DPF3: variants seen among roughly 807,000 people sequenced by gnomAD.
DPF3 encodes the protein zinc finger protein DPF3.
A neutral mutation model predicts 56.8 loss-of-function variants in DPF3; 18 were observed. That is an observed-to-expected ratio of 0.32 (90% CI 0.22 to 0.47). DPF3 has a LOEUF of 0.47. Ranked by LOEUF, DPF3 falls within the 20% of genes least tolerant of loss-of-function variation. DPF3 has a pLI of 1.00. For missense variants in DPF3, 403 were observed against 488.8 expected (o/e 0.82, Z 1.65); for synonymous variants, 188 against 180.2 (o/e 1.04, Z -0.35).
intron 8 of DPF3, among the ~76,000 whole-genome samples, chr14:72,643,050 A>G (rs1885608222): frequency 6.6e-6 from 1 of 152,250 alleles, no homozygotes. Context: ...AGAATGGCTC[A>G]GGCAGCCCGC....
At chr14:72,779,587 A>G (rs537078304) in intron 1 of DPF3, among the ~76,000 whole-genome samples, 2 of 152,312 alleles carry the variant, frequency 1.3e-5, no homozygotes, top group South Asian at 4.1e-4. Flanking sequence ...ATAGCTACAC[A>G]ACCCTCAGCA....
intron 8 of DPF3, chr14:72,670,366 G>A (rs1886616337): frequency 2.0e-6 from 2 of 986,220 alleles, no homozygotes; most frequent in Non-Finnish European, 1.2e-6. Context: ...ACTGACGGAG[G>A]AGGAGGAGCC....
intron 1 of DPF3, among the ~76,000 whole-genome samples, chr14:72,883,535 C>CTTT (rs1886397316): frequency 6.6e-6 from 1 of 152,114 alleles, no homozygotes; most frequent in Non-Finnish European, 1.5e-5. Flanking sequence ...TGTAGCTTTG[C>CTTT]AGCAAGACTG....
intron 1 of DPF3, among the ~76,000 whole-genome samples, chr14:72,863,090 A>G (rs992353487): frequency 1.7e-5 from 2 of 118,966 alleles, no homozygotes; most frequent in Non-Finnish European, 3.8e-5. Context: ...ATATATATAT[A>G]TATATATATA....
At chr14:72,672,029 CCA>C (rs368797206) in intron 8 of DPF3, among the ~76,000 whole-genome samples, 4,299 of 145,206 alleles carry the variant, frequency 0.03, 79 homozygotes, top group Non-Finnish European at 0.037. Flanking sequence ...CGTGTGCACA[CCA>C]CACACACACA....
chr14:72,716,907 T>C (rs1888954665), intron 5 of DPF3, among the ~76,000 whole-genome samples: 1 of 152,072 alleles, frequency 6.6e-6, no homozygotes, highest in Admixed American at 6.5e-5. Context: ...CTAAGGGGGA[T>C]CTACCTCCAC....
At chr14:72,690,635 G>A (rs866541969) in intron 7 of DPF3, among the ~76,000 whole-genome samples, 14 of 149,970 alleles carry the variant, frequency 9.3e-5, no homozygotes, top group Admixed American at 1.3e-4. Flanking sequence ...ACACATACAC[G>A]CACACACACG....
chr14:72,707,583 T>A (rs1445888544), intron 6 of DPF3, among the ~76,000 whole-genome samples: 1 of 152,178 alleles, frequency 6.6e-6, no homozygotes. Context: ...ATAAAATCTA[T>A]TTATTGACAC....
At chr14:72,819,962 G>A (rs1480896589) in intron 1 of DPF3, among the ~76,000 whole-genome samples, 1 of 152,124 alleles carries the variant, frequency 6.6e-6, no homozygotes, top group African/African-American at 2.4e-5. Context: ...GGTAGATAGT[G>A]TATGATTGTG....
chr14:72,884,977 G>A (rs1478342451), intron 1 of DPF3, among the ~76,000 whole-genome samples: 2 of 24,272 alleles, frequency 8.2e-5, no homozygotes, highest in African/African-American at 1.5e-4. Context: ...TATATTAGCC[G>A]GGCGTAAGGC....
intron 9 of DPF3, among the ~76,000 whole-genome samples, chr14:72,625,719 T>C (rs1474199267): frequency 6.6e-6 from 1 of 152,240 alleles, no homozygotes; most frequent in Admixed American, 6.5e-5. Context: ...TGTACACATA[T>C]GGCTAGATAT....
At chr14:72,833,487 A>T (rs963747703) in intron 1 of DPF3, among the ~76,000 whole-genome samples, 1 of 152,146 alleles carries the variant, frequency 6.6e-6, no homozygotes, top group Non-Finnish European at 1.5e-5. Context: ...ATGTACGGGG[A>T]TGGATGCCAA....
chr14:72,878,571 T>A (rs1326545011), intron 1 of DPF3, among the ~76,000 whole-genome samples: 2 of 152,162 alleles, frequency 1.3e-5, no homozygotes, highest in Non-Finnish European at 2.9e-5. Context: ...CTTCTCTATC[T>A]TAAAAACTCA....
chr14:72,814,200 G>T (rs1883186108), intron 1 of DPF3, among the ~76,000 whole-genome samples: 2 of 152,052 alleles, frequency 1.3e-5, no homozygotes, highest in African/African-American at 4.8e-5. Context: ...CCCTCCTAAG[G>T]CCCTTCCTGA....
chr14:72,753,280 C>T lies in DPF3; in HGVS notation c.285G>A (p.Leu95=), dbSNP rs1395316642. ...GGCACTGACCAGGTTTTATCTCCAG[C>T]AGCCGCAGTTTTGGATCTTCAGGTG... ...LHPPEDPKLR[L]LEIKPEVELP... Residue 95 remains leucine (L), a synonymous_variant, in exon 3 of 11, where the codon CTG becomes CTA. Transcript: ENST00000556509. 1.2e-6 allele frequency: 2 copies of T among 1,613,580 alleles called. No individual in the cohort carries two copies. The highest frequency in any genetic ancestry group is 1.7e-6 in the Non-Finnish European group (2 of 1,179,820).
In DPF3 at chr14:72,610,411, C is replaced by A. The variant is rs113767125; in HGVS notation, c.*8886G>T. On this transcript the variant is annotated 3_prime_UTR_variant, in exon 11 of 11. Transcript: ENST00000556509. ...GAATCCCAGCGTTCACAAATGGAGG[C>A]GCCCTCACCAAAGCCACTGGACCAG... Among the ~76,000 whole-genome samples the A allele has an allele frequency of 1.3e-5, 2 of 152,144 alleles. No individual in the cohort carries two copies. The highest frequency in any genetic ancestry group is 2.9e-5 in the Non-Finnish European group (2 of 68,014).
Position 72,828,174 on chromosome 14 carries a change from A to G in DPF3, c.33-56281T>C, listed in dbSNP as rs181221050. Among the ~76,000 whole-genome samples, 418 of 152,186 alleles carry G rather than the reference A, an allele frequency of 2.7e-3. 3 individuals carry two copies. The highest frequency in any genetic ancestry group is 9.7e-3 in the African/African-American group (402 of 41,514). ...ACTTTAAATTTTCCCTCCTTTCTCC[A>G]TTTGTTTTCTACTCAACAAACAGTG... On this transcript the variant is annotated intron_variant, in intron 1 of 10. Coordinates refer to ENST00000556509, the MANE Select transcript of DPF3 (RefSeq NM_001280542.3).
rs144239156 is a variant in DPF3 at position 72,857,415 on chromosome 14, G to A, written c.32+36642C>T. ...TTCCATCTGCAACTAGGAACTGGTC[G>A]GGGAGGGAGGGTTTGAACTTCCTTT... On this transcript the variant is annotated intron_variant, in intron 1 of 10. Transcript: ENST00000556509. 3.9e-3 allele frequency among the ~76,000 whole-genome samples: 590 copies of A among 152,242 alleles called. 7 individuals are homozygous for A. Among genetic ancestry groups the A allele is most frequent in the Non-Finnish European group, 2.4e-3 (163 of 68,028 alleles).
intron 5 of DPF3, among the ~76,000 whole-genome samples, chr14:72,722,303 A>C (rs1889206918): frequency 6.6e-6 from 1 of 152,228 alleles, no homozygotes; most frequent in Non-Finnish European, 1.5e-5. Flanking sequence ...GAAGTGCACC[A>C]TCAGAGAGCT....
Sources: gnomAD v4.1 joint callset for allele counts (sites outside exome capture counted in the v4.1 genomes callset) on GRCh38, gnomAD v4.1.1 for gene constraint, MANE v1.5 for transcripts, NCBI Gene and HGNC (gene_info 2026-07-23, HGNC 2026-07-21) for gene names.